Variants in NIBAN1 observed in about 807,000 individuals in gnomAD.
NIBAN1 encodes the protein protein Niban 1.
In NIBAN1, 81 loss-of-function variants were observed where a neutral mutation model predicts 75.1. That is an observed-to-expected ratio of 1.08 (90% CI 0.90 to 1.30). The LOEUF (loss-of-function observed/expected upper bound fraction) is 1.30. NIBAN1 is among the 50% of genes most tolerant of loss of function. NIBAN1 has a pLI of 0.00. For missense variants in NIBAN1, 1,133 were observed against 1,128.1 expected, an observed-to-expected ratio of 1.00 and a Z score of -0.06; for synonymous variants, 436 against 424.8, an observed-to-expected ratio of 1.03 and a Z score of -0.32.
intron 5 of NIBAN1, among the ~76,000 whole-genome samples, chr1:184,859,169 T>C (rs1246339526): frequency 1.3e-5 from 2 of 151,926 alleles, no homozygotes; most frequent in African/African-American, 2.4e-5. Context: ...ATTGTGTGTA[T>C]GTATATATAT....
intron 1 of NIBAN1, among the ~76,000 whole-genome samples, chr1:184,957,264 G>C (rs1394095096): frequency 6.6e-6 from 1 of 152,206 alleles, no homozygotes; most frequent in East Asian, 1.9e-4. Flanking sequence ...CCTGGTTTGA[G>C]GGGAGGAGTA....
chr1:184,830,224 C>T (rs991148928), intron 6 of NIBAN1, among the ~76,000 whole-genome samples: 1 of 152,246 alleles, frequency 6.6e-6, no homozygotes, highest in South Asian at 2.1e-4. Context: ...AGGTTTCGAA[C>T]ATTGTCAAGT....
chr1:184,840,362 G>A (rs983749100), intron 5 of NIBAN1, among the ~76,000 whole-genome samples: 2 of 152,158 alleles, frequency 1.3e-5, no homozygotes, highest in South Asian at 2.1e-4. Context: ...AAGGAGAGGA[G>A]GAATATGTCA....
intron 5 of NIBAN1, among the ~76,000 whole-genome samples, chr1:184,883,417 G>C (rs745706518): frequency 1.3e-5 from 2 of 152,194 alleles, no homozygotes; most frequent in Non-Finnish European, 2.9e-5. Context: ...CACCTACGTA[G>C]AGGCTGGCAC....
At chr1:184,930,887 C>T (rs139227013) in intron 1 of NIBAN1, among the ~76,000 whole-genome samples, 75 of 152,184 alleles carry the variant, frequency 4.9e-4, no homozygotes, top group African/African-American at 1.8e-3. Flanking sequence ...TGTGGTTCAA[C>T]CAATTAGTCT....
intron 5 of NIBAN1, among the ~76,000 whole-genome samples, chr1:184,839,429 G>A (rs1446713407): frequency 1.3e-5 from 2 of 151,830 alleles, no homozygotes; most frequent in South Asian, 2.1e-4. Flanking sequence ...CCCTTCACTC[G>A]GGTTTCCCAA....
intron 1 of NIBAN1, among the ~76,000 whole-genome samples, chr1:184,940,774 T>C (rs918353150): frequency 6.6e-6 from 1 of 152,252 alleles, no homozygotes; most frequent in Admixed American, 6.5e-5. Context: ...ACACTCTGCA[T>C]TCTCAGTTAA....
chr1:184,820,585 C>A (rs1379358316), intron 8 of NIBAN1, among the ~76,000 whole-genome samples: 1 of 152,200 alleles, frequency 6.6e-6, no homozygotes, highest in Non-Finnish European at 1.5e-5. Flanking sequence ...ATGTCCCATT[C>A]GTGTATGCAC....
intron 1 of NIBAN1, among the ~76,000 whole-genome samples, chr1:184,932,928 G>A (rs2102035223): frequency 6.6e-6 from 1 of 152,214 alleles, no homozygotes; most frequent in Non-Finnish European, 1.5e-5. Context: ...ACAAAAAAGA[G>A]AAACACGACA....
chr1:184,951,162 T>C (rs183335387), intron 1 of NIBAN1, among the ~76,000 whole-genome samples: 1 of 152,352 alleles, frequency 6.6e-6, no homozygotes, highest in African/African-American at 2.4e-5. Context: ...AAATATTAGC[T>C]GTGTGGCCTT....
intron 1 of NIBAN1, among the ~76,000 whole-genome samples, chr1:184,938,681 A>G (rs1658019743): frequency 6.6e-6 from 1 of 152,236 alleles, no homozygotes; most frequent in South Asian, 2.1e-4. Context: ...TATTCAGAAA[A>G]TTTAATGATT....
intron 1 of NIBAN1, among the ~76,000 whole-genome samples, chr1:184,911,887 A>T (rs1657249907): frequency 1.3e-5 from 2 of 152,230 alleles, no homozygotes. Context: ...CCAGCTAAAT[A>T]AAATGGTGAT....
intron 5 of NIBAN1, among the ~76,000 whole-genome samples, chr1:184,866,294 A>C (rs966849402): frequency 1.3e-5 from 2 of 152,204 alleles, no homozygotes; most frequent in Admixed American, 6.5e-5. Context: ...CACCTACCTG[A>C]AAGATTAAGA....
At chr1:184,805,154 T>C (rs903735393) in intron 11 of NIBAN1, among the ~76,000 whole-genome samples, 62 of 152,152 alleles carry the variant, frequency 4.1e-4, no homozygotes, top group African/African-American at 1.4e-3. Flanking sequence ...GGCATCAAGA[T>C]CAAGTCTGAA....
At chr1:184,826,293 C>T (rs1654838812) in intron 6 of NIBAN1, among the ~76,000 whole-genome samples, 1 of 152,210 alleles carries the variant, frequency 6.6e-6, no homozygotes, top group Non-Finnish European at 1.5e-5. Context: ...CTTCAGCCTT[C>T]TCTGGGGGCA....
chr1:184,885,265 T>C (rs925858154), intron 4 of NIBAN1, among the ~76,000 whole-genome samples: 1 of 152,126 alleles, frequency 6.6e-6, no homozygotes, highest in African/African-American at 2.4e-5. Flanking sequence ...GCCAGGCTCC[T>C]GACCTCAAGT....
At position 184,856,022 on chromosome 1, in the gene NIBAN1, T is replaced by C. The variant is rs115384738; in HGVS notation, c.602-24060A>G. Among the ~76,000 whole-genome samples the C allele has an allele frequency of 3.4e-3, 511 of 152,348 alleles. 8 individuals are homozygous for C. The East Asian group carries it at 0.039, about 12-fold the overall frequency. ...AAATGAAAGCAAATGGGTTACGTAG[T>C]AATACTGCTCTTTAAAAAGTGTTAT... On this transcript the variant is annotated intron_variant, in intron 5 of 13. Coordinates refer to ENST00000367511, the MANE Select transcript of NIBAN1 (RefSeq NM_052966.4).
chr1:184,832,104 A>C, intron 5 of NIBAN1, 142 bp from the exon 6 acceptor site: 1 of 644,240 alleles, frequency 1.6e-6, no homozygotes, highest in Non-Finnish European at 2.7e-6. Context: ...AAGTTAAGCA[A>C]GTACTGAATT....
chr1:184,841,874 T>C (rs942591081), intron 5 of NIBAN1, among the ~76,000 whole-genome samples: 11 of 152,210 alleles, frequency 7.2e-5, no homozygotes, highest in Non-Finnish European at 1.5e-4. Context: ...CCCACCACTG[T>C]ACTTACAGCA....
Sources: allele counts gnomAD v4.1 joint callset (sites outside exome capture counted in the v4.1 genomes callset), GRCh38; gene constraint gnomAD v4.1.1; transcripts MANE v1.5; gene names NCBI Gene and HGNC (gene_info 2026-07-23, HGNC 2026-07-21).